Variants in TOMM34 observed in about 807,000 individuals in gnomAD.
TOMM34 encodes the protein translocase of outer mitochondrial membrane 34.
In TOMM34, 24 loss-of-function variants were observed where a neutral mutation model predicts 37.4. The observed-to-expected ratio is 0.64, with a 90% CI of 0.46 to 0.90. The LOEUF is 0.90. Ranked by LOEUF, TOMM34 falls within the 40% of genes least tolerant of loss-of-function variation. The pLI is 0.00. For synonymous variants in TOMM34, 154 were observed against 148.9 expected (o/e 1.03, Z -0.25); for missense variants, 304 against 375.6 (o/e 0.81, Z 1.58).
intron 4 of TOMM34, among the ~76,000 whole-genome samples, chr20:44,949,460 C>A (rs1450466922): frequency 7.2e-5 from 11 of 152,114 alleles, no homozygotes; most frequent in Non-Finnish European, 4.4e-5. Context: ...GAGTATCCTC[C>A]CTCATCTAAC....
chr20:44,942,902 G>T lies in TOMM34; in HGVS notation c.*207C>A. On this transcript the variant is annotated 3_prime_UTR_variant, in exon 7 of 7. Coordinates refer to ENST00000372813, the MANE Select transcript of TOMM34 (RefSeq NM_006809.5). Reference sequence around the variant, plus strand: ...CTTAGCTCTAGTGGGGACCTTTCTGGTGCAACAACCATGTCTGTGTTTGAC... The same window carrying T: ...CTTAGCTCTAGTGGGGACCTTTCTGTTGCAACAACCATGTCTGTGTTTGAC... 1 of 604,238 alleles carries T rather than the reference G, an allele frequency of 1.7e-6. No homozygotes were observed. The allele number at this position is 604,238 out of a possible 1,614,324, so 37.4% of individuals were successfully genotyped here. A position where few individuals can be genotyped will look rare whatever the true frequency, so the allele number is the denominator to read the frequency against.
chr20:44,958,478 C>A, intron 1 of TOMM34: 1 of 451,304 alleles, frequency 2.2e-6, no homozygotes, highest in South Asian at 1.6e-5. Flanking sequence ...GGGCATCAAC[C>A]CTGCGATCCG....
At chr20:44,952,132 A>G (rs927050634) in intron 3 of TOMM34, 130 bp from the exon 4 acceptor site, 2 of 1,088,798 alleles carry the variant, frequency 1.8e-6, no homozygotes, top group East Asian at 2.6e-5. Flanking sequence ...GGTCGGAACC[A>G]CCTCTTTAGC....
chr20:44,943,251 C>T (rs983475774), intron 6 of TOMM34, 38 bp from the exon 7 acceptor site: 1 of 1,611,408 alleles, frequency 6.2e-7, no homozygotes, highest in Non-Finnish European at 8.5e-7. Flanking sequence ...GGGAAGGTTC[C>T]CGGACTGGGG....
chr20:44,945,499 C>T (rs1432890220), intron 5 of TOMM34, among the ~76,000 whole-genome samples: 2 of 152,210 alleles, frequency 1.3e-5, no homozygotes, highest in Non-Finnish European at 2.9e-5. Flanking sequence ...AACACTCGCT[C>T]TTGGAGCCTT....
chr20:44,946,946 A>C (rs1176257274), intron 5 of TOMM34, among the ~76,000 whole-genome samples: 1 of 152,252 alleles, frequency 6.6e-6, no homozygotes, highest in Non-Finnish European at 1.5e-5. Flanking sequence ...TCTGATTAAG[A>C]AGAATGAAGA....
intron 5 of TOMM34, among the ~76,000 whole-genome samples, chr20:44,945,830 A>G (rs2066976100): frequency 1.3e-5 from 2 of 152,178 alleles, no homozygotes; most frequent in African/African-American, 2.4e-5. Context: ...TTAGAATAGT[A>G]GCCCGTTTTA....
At chr20:44,959,899 A>G (rs2067110204) in intron 1 of TOMM34, 1 of 983,358 alleles carries the variant, frequency 1.0e-6, no homozygotes, top group Non-Finnish European at 1.2e-6. Context: ...GTCTTGTTAC[A>G]CAGGCGGTAT....
At chr20:44,950,239 T>C (rs1468910091) in intron 4 of TOMM34, among the ~76,000 whole-genome samples, 1 of 152,212 alleles carries the variant, frequency 6.6e-6, no homozygotes, top group Non-Finnish European at 1.5e-5. Flanking sequence ...CTCTCTCCAC[T>C]GTCTCTGCCA....
At chr20:44,950,373 G>A (rs1445444341) in intron 4 of TOMM34, among the ~76,000 whole-genome samples, 3 of 152,102 alleles carry the variant, frequency 2.0e-5, no homozygotes, top group African/African-American at 7.2e-5. Flanking sequence ...TTTCTATCCT[G>A]AAGTCCTCAA....
rs749289060 is a variant in TOMM34 at position 44,951,972 on chromosome 20, C to G, written c.411G>C (p.Gly137=). Residue 137 remains glycine, a synonymous_variant, in exon 4 of 7, where the codon GGG becomes GGC. Transcript: ENST00000372813. The part of the protein sequence containing the change: ...RMTRALMDSL[G]PEWRLKLPSI... The stretch of plus-strand genomic sequence containing the variant: ...AGGGCAGCTTCAGGCGCCACTCAGG[C>G]CCAAGCGAGTCCATGAGAGCTCTGG... 1 of 1,613,580 alleles carries G rather than the reference C, an allele frequency of 6.2e-7. No homozygotes were observed.
intron 2 of TOMM34, 95 bp from the exon 3 acceptor site, chr20:44,955,315 C>A: frequency 6.7e-7 from 1 of 1,488,604 alleles, no homozygotes; most frequent in Non-Finnish European, 9.1e-7. Flanking sequence ...GAGCACTCAG[C>A]GTACAGGAAG....
At chr20:44,958,136 G>GTA (rs774220439) in intron 1 of TOMM34, among the ~76,000 whole-genome samples, 5 of 123,598 alleles carry the variant, frequency 4.0e-5, no homozygotes, top group South Asian at 5.1e-4. Context: ...ATATGTATAT[G>GTA]TATATATATG....
At chr20:44,958,288 T>C (rs1313375825) in intron 1 of TOMM34, 10 of 465,006 alleles carry the variant, frequency 2.2e-5, no homozygotes, top group South Asian at 1.6e-4. Context: ...TTTGATATCT[T>C]TCATTCAATA....
intron 1 of TOMM34, chr20:44,959,798 G>A: frequency 2.6e-6 from 1 of 384,546 alleles, no homozygotes; most frequent in Non-Finnish European, 3.6e-6. Flanking sequence ...TTATCCCACA[G>A]GTCTCGTTTA....
rs1010950668 is a variant in TOMM34 at position 44,956,336 on chromosome 20, C to T, written c.227+50G>A. 3 of 1,561,512 alleles carry T rather than the reference C, an allele frequency of 1.9e-6. No individual in the cohort carries two copies. The African/African-American group carries it at 4.1e-5, about 21-fold the overall frequency. ...AAGAAACAAGCCAGATTAACCCAGC[C>T]TCCTCTTCTGAGACCCTCAGGCATC... On this transcript the variant is annotated intron_variant, in intron 2 of 6. Transcript: ENST00000372813.
intron 4 of TOMM34, among the ~76,000 whole-genome samples, chr20:44,949,389 G>A (rs1273993026): frequency 6.6e-6 from 1 of 152,174 alleles, no homozygotes; most frequent in East Asian, 1.9e-4. Flanking sequence ...ATAGCTTCTG[G>A]GCTATGAGAA....
intron 1 of TOMM34, chr20:44,958,357 A>C (rs1167252186): frequency 2.1e-6 from 1 of 471,562 alleles, no homozygotes; most frequent in Non-Finnish European, 4.4e-6. Context: ...GGAAAGTACA[A>C]AGACTAGTAA....
At position 44,943,442 on chromosome 20, in the gene TOMM34, T is replaced by C. The variant is rs2145591534; in HGVS notation, c.825+11A>G. The C allele has an allele frequency of 6.2e-7, 1 of 1,602,218 alleles. No individual in the cohort carries two copies. The highest frequency in any genetic ancestry group is 8.5e-7 in the Non-Finnish European group (1 of 1,173,120). ...CTATGTTGGGACCTTTTGGCCAGGA[T>C]TTTTTTTTACCTTGAGTGCTTTGTG... On this transcript the variant is annotated intron_variant, in intron 6 of 6. Transcript: ENST00000372813.
Sources: gnomAD v4.1 joint callset for allele counts (sites outside exome capture counted in the v4.1 genomes callset) on GRCh38, gnomAD v4.1.1 for gene constraint, MANE v1.5 for transcripts, NCBI Gene and HGNC (gene_info 2026-07-23, HGNC 2026-07-21) for gene names.